Variants in MRC2 observed in about 807,000 individuals in gnomAD.
MRC2 encodes mannose receptor C-type 2.
MRC2 carries 84 observed loss-of-function variants against 206.2 expected under a neutral mutation model. The observed-to-expected ratio is 0.41, with a 90% CI of 0.34 to 0.49. The LOEUF is 0.49. Ranked by LOEUF, MRC2 falls within the 20% of genes least tolerant of loss-of-function variation. The pLI is 0.31. For missense variants in MRC2, 1,676 were observed against 2,001.5 expected, an observed-to-expected ratio of 0.84 and a Z score of 3.10; for synonymous variants, 798 against 800.0, an observed-to-expected ratio of 1.00 and a Z score of 0.04.
intron 1 of MRC2, among the ~76,000 whole-genome samples, chr17:62,643,973 C>T (rs2088443271): frequency 6.6e-6 from 1 of 152,042 alleles, no homozygotes; most frequent in Admixed American, 6.6e-5. Flanking sequence ...ATGTGTATTA[C>T]ATGTGTGTGT....
chr17:62,642,140 A>T (rs2088413228), intron 1 of MRC2, among the ~76,000 whole-genome samples: 1 of 152,208 alleles, frequency 6.6e-6, no homozygotes, highest in African/African-American at 2.4e-5. Flanking sequence ...CTGTTTTAAA[A>T]TTCAGAATTC....
At chr17:62,649,419 C>T (rs961584955) in intron 1 of MRC2, among the ~76,000 whole-genome samples, 3 of 152,092 alleles carry the variant, frequency 2.0e-5, no homozygotes, top group African/African-American at 4.8e-5. Flanking sequence ...GGCGAAACCC[C>T]GTCTCTACTA....
rs1346249244 is a variant in MRC2, at chr17:62,690,695, G to T, written c.3946G>T (p.Glu1316Ter). The T allele has an allele frequency of 6.2e-7, 1 of 1,613,094 alleles. No homozygotes were observed. Among genetic ancestry groups the T allele is most frequent in the East Asian group, 2.2e-5 (1 of 44,872 alleles). The change falls in exon 27 of 30, where the codon GAG becomes TAG. Residue 1316 changes from glutamate to a stop codon, truncating the protein, a stop_gained. Transcript: ENST00000303375. LOFTEE classifies it high-confidence loss of function. ...TGAGATGGAGAATGTGTTTGTCTGG[G>T]AGCACCTGCAGAGCTATGAGGGCCA... ...LDEMENVFVWEHLQSYEGQSR... is the reference protein window; with the variant it reads ...LDEMENVFVW
intron 26 of MRC2, 104 bp from the exon 27 acceptor site, chr17:62,690,538 C>T (rs2147495464): frequency 6.7e-7 from 1 of 1,497,448 alleles, no homozygotes; most frequent in Non-Finnish European, 8.9e-7. Context: ...AGACTCCACA[C>T]CATCCTCTAC....
At chr17:62,646,023 A>ATTTTTTTT (rs34679697) in intron 1 of MRC2, among the ~76,000 whole-genome samples, 2 of 106,398 alleles carry the variant, frequency 1.9e-5, no homozygotes, top group African/African-American at 3.6e-5. Context: ...GTCCTTTTCT[A>ATTTTTTTT]TTTTTTTTTT....
intron 13 of MRC2, 117 bp downstream of exon 13, chr17:62,678,763 C>T: frequency 7.0e-7 from 1 of 1,424,866 alleles, no homozygotes; most frequent in Admixed American, 2.4e-5. Context: ...TGTGGGTGAC[C>T]CCAGGGAGGC....
At chr17:62,686,373 A>C (rs1379407980) in intron 20 of MRC2, among the ~76,000 whole-genome samples, 1 of 152,174 alleles carries the variant, frequency 6.6e-6, no homozygotes, top group Non-Finnish European at 1.5e-5. Flanking sequence ...GAATAGCTTG[A>C]ACCTGGGAGG....
intron 1 of MRC2, among the ~76,000 whole-genome samples, chr17:62,633,502 CAAA>C (rs999150702): frequency 3.1e-4 from 23 of 73,518 alleles, no homozygotes; most frequent in Admixed American, 1.2e-3. Context: ...GACTCCGTCT[CAAA>C]AAAAAAAAAA....
At position 62,689,690 on chromosome 17, in the gene MRC2, C is replaced by G. The variant is rs1231246532; in HGVS notation, c.3503C>G (p.Thr1168Ser). The change falls in exon 24 of 30, where the codon ACC becomes AGC. Residue 1168 changes from threonine to serine, a missense_variant. By Grantham distance (58) the Thr-to-Ser change is moderately conservative. This residue lies in a region of MRC2 where 1,354 missense variants were observed against 1,636.6 expected (regional missense o/e 0.83). Coordinates refer to ENST00000303375, the MANE Select transcript of MRC2 (RefSeq NM_006039.5). ...CTGGCCTACGTGCCCGACCCCTACA[C>G]CCAGGCCTTCCTCACGCAGGCTGCC... Reference protein sequence around the residue: ...ASLAYVPDPYTQAFLTQAARG... With the variant: ...ASLAYVPDPYSQAFLTQAARG... The G allele has an allele frequency of 6.3e-7, 1 of 1,582,560 alleles. No individual in the cohort carries two copies. Among genetic ancestry groups the G allele is most frequent in the East Asian group, 2.3e-5 (1 of 43,862 alleles).
intron 1 of MRC2, among the ~76,000 whole-genome samples, chr17:62,647,030 T>C (rs1405298663): frequency 6.6e-6 from 1 of 152,108 alleles, no homozygotes; most frequent in East Asian, 1.9e-4. Context: ...TCAGTAGAAC[T>C]GCTCTAGGGC....
At chr17:62,678,455 G>T (rs1377547539) in intron 12 of MRC2, 49 bp from the exon 13 acceptor site, 8 of 1,590,142 alleles carry the variant, frequency 5.0e-6, no homozygotes, top group Non-Finnish European at 6.8e-6. Context: ...TGCCCCCTGA[G>T]GGGTGGGCCA....
At chr17:62,678,444 G>A (rs2088920550) in intron 12 of MRC2, 60 bp from the exon 13 acceptor site, 1 of 1,573,772 alleles carries the variant, frequency 6.4e-7, no homozygotes, top group African/African-American at 1.4e-5. Flanking sequence ...AAGGCAGTAG[G>A]TGCCCCCTGA....
At position 62,689,594 on chromosome 17, in the gene MRC2, C is replaced by T. The variant is rs573107020; in HGVS notation, c.3407C>T (p.Thr1136Ile). Reference sequence around the variant, plus strand: ...ACTGAGCTCTCCTACCTCAACGGCACCTTCCGGCTGCTTCAGAAGCCGCTG... The same window carrying T: ...ACTGAGCTCTCCTACCTCAACGGCATCTTCCGGCTGCTTCAGAAGCCGCTG... ...PGTELSYLNG[T>I]FRLLQKPLRW... The change falls in exon 24 of 30, where the codon ACC becomes ATC. Residue 1136 changes from threonine to isoleucine, a missense_variant. Physicochemically the swap from Thr to Ile is moderately conservative, Grantham distance 89. Coordinates refer to ENST00000303375, the MANE Select transcript of MRC2 (RefSeq NM_006039.5). 1 of 1,604,092 alleles carries T rather than the reference C, an allele frequency of 6.2e-7. No individual in the cohort carries two copies. Among genetic ancestry groups the T allele is most frequent in the East Asian group, 2.2e-5 (1 of 44,698 alleles).
In MRC2 at chr17:62,680,156, C is replaced by T. The variant is rs575786521; in HGVS notation, c.2299-14C>T. 1.9e-6 allele frequency: 3 copies of T among 1,614,010 alleles called. No individual in the cohort carries two copies. The East Asian group carries it at 6.7e-5, about 36-fold the overall frequency. On this transcript the variant is annotated splice_polypyrimidine_tract_variant and intron_variant, in intron 14 of 29. Transcript: ENST00000303375. The surrounding 1 kb of genome is among the most constrained non-coding windows in gnomAD (Gnocchi z 4.8). Reference sequence around the variant, plus strand: ...GCGCCTCACGTTCCTCTTCCCTCCACCCGCCTCCTCCAGTTCTCTTACCAC... The same window carrying T: ...GCGCCTCACGTTCCTCTTCCCTCCATCCGCCTCCTCCAGTTCTCTTACCAC...
intron 26 of MRC2, 91 bp downstream of exon 26, chr17:62,690,396 C>G: frequency 1.4e-6 from 2 of 1,476,408 alleles, no homozygotes; most frequent in East Asian, 2.4e-5. Context: ...CCACACTGCT[C>G]TCTACCCATA....
In MRC2 at chr17:62,679,863, C is replaced by T. The variant is rs745917572; in HGVS notation, c.2259C>T (p.Pro753=). 1 of 1,613,690 alleles carries T rather than the reference C, an allele frequency of 6.2e-7. No individual in the cohort carries two copies. The highest frequency in any genetic ancestry group is 1.1e-5 in the South Asian group (1 of 91,046). The part of the protein sequence containing the change: ...WFWIGLNRRD[P]RGGQSWRWSD... Reference sequence around the variant, plus strand: ...GGATCGGCCTGAACCGTCGGGATCCCAGAGGGGGTCAGAGTTGGCGCTGGA... The same window carrying T: ...GGATCGGCCTGAACCGTCGGGATCCTAGAGGGGGTCAGAGTTGGCGCTGGA... Residue 753 remains proline, a synonymous_variant, in exon 14 of 30, where the codon CCC becomes CCT. Transcript: ENST00000303375.
At chr17:62,684,999 G>T (rs1471054673) in intron 20 of MRC2, among the ~76,000 whole-genome samples, 5 of 152,116 alleles carry the variant, frequency 3.3e-5, no homozygotes, top group African/African-American at 4.8e-5. Context: ...AAAATTATCT[G>T]GGCATGGTGG....
At chr17:62,668,334 AGAGC>A (rs1360881276) in intron 6 of MRC2, among the ~76,000 whole-genome samples, 1 of 151,766 alleles carries the variant, frequency 6.6e-6, no homozygotes, top group Non-Finnish European at 1.5e-5. Context: ...CCTGGGCAAC[AGAGC>A]GAGACGAGAC....
In MRC2 at chr17:62,666,881, A is replaced by T; in HGVS notation, c.973+11A>T. 6.2e-7 allele frequency: 1 copy of T among 1,611,452 alleles called. No homozygotes were observed. Among genetic ancestry groups the T allele is most frequent in the South Asian group, 1.1e-5 (1 of 90,982 alleles). ...TCAACTGGGAGAGTGGTGAGGCACA[A>T]GGTTGGGGGCGCAGGGCAGCATAGG... On this transcript the variant is annotated intron_variant, in intron 5 of 29. Transcript: ENST00000303375. This position sits in a 1 kb window ranked among gnomAD's most constrained non-coding sequence, Gnocchi z 5.0.
Sources: allele counts gnomAD v4.1 joint callset (sites outside exome capture counted in the v4.1 genomes callset), GRCh38; gene constraint gnomAD v4.1.1; regional missense constraint gnomAD v4.1.1; non-coding constraint Gnocchi (gnomAD v3.1); transcripts MANE v1.5; gene names NCBI Gene and HGNC (gene_info 2026-07-23, HGNC 2026-07-21).